The following SHISAL2A variants were observed in gnomAD, a reference collection of about 807,000 sequenced individuals.
SHISAL2A encodes the protein protein shisa-like-2A.
SHISAL2A carries 18 observed loss-of-function variants against 11.5 expected under a neutral mutation model. That is an observed-to-expected ratio of 1.57 (90% CI 1.08 to 2.33). SHISAL2A has a LOEUF of 2.33. Among genes scored for constraint, SHISAL2A ranks in the 30% most tolerant of loss-of-function variants. The probability of loss-of-function intolerance (pLI) is 0.00; values close to 1 mark genes in which losing one functional copy is unlikely to be tolerated. For synonymous variants in SHISAL2A, 94 were observed against 99.6 expected (o/e 0.94, Z 0.34); for missense variants, 261 against 250.9 (o/e 1.04, Z -0.27).
chr1:52,632,840 C>G (rs554022937), upstream of SHISAL2A, among the ~76,000 whole-genome samples: 6 of 152,320 alleles, frequency 3.9e-5, no homozygotes, highest in African/African-American at 1.4e-4. Context: ...TTAGGAACTC[C>G]GGGAAATGGC....
At chr1:52,650,949 CTT>C (rs779523487) in intron 2 of SHISAL2A, among the ~76,000 whole-genome samples, 4 of 138,320 alleles carry the variant, frequency 2.9e-5, no homozygotes, top group South Asian at 2.3e-4. Flanking sequence ...CTGGCCTAAC[CTT>C]TTTTTTTTTT....
chr1:52,637,289 C>T lies in SHISAL2A; in HGVS notation c.182+3614C>T, dbSNP rs550245638. Among the ~76,000 whole-genome samples the T allele has an allele frequency of 3.9e-4, 60 of 152,366 alleles. No homozygotes were observed. The East Asian group carries it at 0.011, about 27-fold the overall frequency. ...GTCCTCAGGATGTCTAGGGCATCAA[C>T]GTGCTCTGAACCTTGAAATAACTCT... is the stretch of plus-strand genomic sequence containing the variant. On this transcript the variant is annotated intron_variant, in intron 1 of 2. Transcript: ENST00000517870.
Position 52,633,365 on chromosome 1 carries a change from G to A in SHISAL2A, c.-129G>A. ...TGCTGTCTCTGTCTCGGCTTCTCTC[G>A]GCCCCTGGGTCTCTTCGTCTCTGCC... On this transcript the variant is annotated 5_prime_UTR_variant, in exon 1 of 3. Coordinates refer to ENST00000517870, the MANE Select transcript of SHISAL2A (RefSeq NM_001042693.3). The surrounding 1 kb of genome is among the most constrained non-coding windows in gnomAD (Gnocchi z 6.4). The A allele has an allele frequency of 3.5e-6, 3 of 845,242 alleles. No homozygotes were observed. In the South Asian group the frequency reaches 6.4e-5, roughly 18 times the overall value. The allele number at this position is 845,242 out of a possible 1,614,324, so 52.4% of individuals were successfully genotyped here. A position where few individuals can be genotyped will look rare whatever the true frequency, so the allele number is the denominator to read the frequency against.
At chr1:52,644,424 C>A (rs1340470928) in intron 2 of SHISAL2A, among the ~76,000 whole-genome samples, 1 of 152,164 alleles carries the variant, frequency 6.6e-6, no homozygotes, top group African/African-American at 2.4e-5. Flanking sequence ...TTAAGCTAAG[C>A]AAAAGAAGTA....
chr1:52,647,145 G>C (rs1691519385), intron 2 of SHISAL2A, among the ~76,000 whole-genome samples: 2 of 151,988 alleles, frequency 1.3e-5, no homozygotes, highest in Non-Finnish European at 2.9e-5. Flanking sequence ...GTTTTTGTTT[G>C]TTTTAGAGAC....
chr1:52,651,168 C>T (rs943153529), intron 2 of SHISAL2A, among the ~76,000 whole-genome samples: 15 of 151,994 alleles, frequency 9.9e-5, no homozygotes, highest in South Asian at 6.2e-4. Context: ...ACTTTGGTTT[C>T]CAATTTCCTG....
intron 4 of SHISAL2A, among the ~76,000 whole-genome samples, chr1:52,664,792 C>T (rs562432082): frequency 1.3e-5 from 2 of 151,836 alleles, no homozygotes; most frequent in Admixed American, 6.6e-5. Flanking sequence ...CGCTGCACCC[C>T]GGCTATTTTT....
chr1:52,647,465 G>T (rs1484975044), intron 2 of SHISAL2A, among the ~76,000 whole-genome samples: 2 of 152,122 alleles, frequency 1.3e-5, no homozygotes, highest in East Asian at 3.8e-4. Context: ...TAAGAAAAAT[G>T]TAATTTGTTA....
chr1:52,643,058 G>C (rs964271623), intron 2 of SHISAL2A, 56 bp downstream of exon 2: 9 of 1,552,022 alleles, frequency 5.8e-6, no homozygotes, highest in African/African-American at 1.4e-5. Flanking sequence ...CCTTTTCAAG[G>C]GGGGAGAAAT....
intron 1 of SHISAL2A, among the ~76,000 whole-genome samples, chr1:52,639,450 T>C (rs78605777): frequency 0.038 from 5,731 of 152,252 alleles, 608 homozygotes; most frequent in Admixed American, 0.22. Context: ...GATTTATCCA[T>C]TATCTTAGAT....
At chr1:52,651,553 CT>C (rs201728422) in intron 2 of SHISAL2A, among the ~76,000 whole-genome samples, 6 of 149,766 alleles carry the variant, frequency 4.0e-5, no homozygotes, top group Non-Finnish European at 7.4e-5. Context: ...TTTTTGTTTT[CT>C]TTTTTTTTGA....
intron 2 of SHISAL2A, among the ~76,000 whole-genome samples, chr1:52,654,766 ACATTTTAAAAAAGATAAG>A (rs1228569641): frequency 3.9e-5 from 6 of 152,258 alleles, no homozygotes; most frequent in African/African-American, 1.4e-4. Flanking sequence ...AAAGCACAAT[ACATTTTAAAAAAGATAAG>A]CCAGTATTCA....
intron 2 of SHISAL2A, among the ~76,000 whole-genome samples, chr1:52,650,643 C>CCT (rs1691614689): frequency 9.2e-6 from 1 of 108,118 alleles, no homozygotes; most frequent in Admixed American, 1.2e-4. Flanking sequence ...TTTTAAAACC[C>CCT]TTTTTTTTTT....
At chr1:52,653,898 A>AT (rs1691729685) in intron 2 of SHISAL2A, among the ~76,000 whole-genome samples, 2 of 151,878 alleles carry the variant, frequency 1.3e-5, no homozygotes, top group South Asian at 4.1e-4. Flanking sequence ...GGCCAGTCGT[A>AT]TTTTCTGTTC....
At chr1:52,649,892 T>A (rs1691588904) in intron 2 of SHISAL2A, among the ~76,000 whole-genome samples, 1 of 152,136 alleles carries the variant, frequency 6.6e-6, no homozygotes, top group African/African-American at 2.4e-5. Context: ...AGTCAGCCAT[T>A]CTCATCAACT....
At chr1:52,655,343 A>T (rs1320215907) in intron 2 of SHISAL2A, among the ~76,000 whole-genome samples, 1 of 149,708 alleles carries the variant, frequency 6.7e-6, no homozygotes, top group Admixed American at 6.7e-5. Flanking sequence ...ATGTCCAGGC[A>T]TGGTGGCTCA....
chr1:52,665,436 G>C (rs376422930), intron 4 of SHISAL2A, among the ~76,000 whole-genome samples: 1 of 152,158 alleles, frequency 6.6e-6, no homozygotes, highest in Non-Finnish European at 1.5e-5. Flanking sequence ...GGGAGGAGCA[G>C]TTGTCCCCGA....
At chr1:52,638,258 C>G (rs1240876156) in intron 1 of SHISAL2A, among the ~76,000 whole-genome samples, 2 of 141,578 alleles carry the variant, frequency 1.4e-5, no homozygotes, top group Non-Finnish European at 1.5e-5. Context: ...TAGACAGGGA[C>G]AAACAAAACT....
chr1:52,645,396 CGTTTT>C (rs56655042), intron 2 of SHISAL2A, among the ~76,000 whole-genome samples: 3 of 150,178 alleles, frequency 2.0e-5, no homozygotes, highest in African/African-American at 7.3e-5. Flanking sequence ...GAGGCTTCAA[CGTTTT>C]GTTTTGTTTT....
Sources: gnomAD v4.1 joint callset for allele counts (sites outside exome capture counted in the v4.1 genomes callset) on GRCh38, gnomAD v4.1.1 for gene constraint, Gnocchi (gnomAD v3.1) non-coding constraint, MANE v1.5 for transcripts, NCBI Gene and HGNC (gene_info 2026-07-23, HGNC 2026-07-21) for gene names.